TRPM2: variants seen among roughly 807,000 people sequenced by gnomAD.
TRPM2 encodes the protein transient receptor potential cation channel subfamily M member 2.
TRPM2 carries 161 observed loss-of-function variants against 174.0 expected under a neutral mutation model. The observed-to-expected ratio is 0.93, with a 90% CI of 0.81 to 1.05. The LOEUF (loss-of-function observed/expected upper bound fraction) is 1.05. Among genes scored for constraint, TRPM2 ranks in the 50% least tolerant of loss-of-function variants. The pLI is 0.00. For synonymous variants in TRPM2, 954 were observed against 861.3 expected (o/e 1.11, Z -1.88); for missense variants, 2,057 against 2,038.0 (o/e 1.01, Z -0.18).
chr21:44,425,925 C>G (rs1330479171), intron 25 of TRPM2, 98 bp downstream of exon 25: 18 of 1,307,736 alleles, frequency 1.4e-5, no homozygotes. Context: ...TCCTGGCTCC[C>G]AGCCACTGCA....
intron 2 of TRPM2, among the ~76,000 whole-genome samples, chr21:44,358,758 C>G (rs967748348): frequency 1.3e-5 from 2 of 152,192 alleles, no homozygotes; most frequent in Non-Finnish European, 2.9e-5. Context: ...GGTCTCTCAT[C>G]CATAAACAGT....
chr21:44,375,732 G>T, intron 5 of TRPM2, 101 bp from the exon 6 acceptor site: 2 of 1,345,830 alleles, frequency 1.5e-6, no homozygotes. Context: ...CAGATTCCAG[G>T]GACTGGGACC....
intron 5 of TRPM2, 77 bp downstream of exon 5, chr21:44,369,420 G>T (rs373619526): frequency 1.3e-6 from 2 of 1,524,556 alleles, no homozygotes. Flanking sequence ...GTGGGGAGCA[G>T]GTGGAGTGTA....
At chr21:44,382,059 T>G (rs774991756) in intron 8 of TRPM2, among the ~76,000 whole-genome samples, 2 of 151,880 alleles carry the variant, frequency 1.3e-5, no homozygotes, top group African/African-American at 4.8e-5. Context: ...GAATGGTTGG[T>G]AGGTGGGTGT....
At chr21:44,352,293 C>T (rs950867344), upstream of TRPM2, among the ~76,000 whole-genome samples, 3 of 152,140 alleles carry the variant, frequency 2.0e-5, no homozygotes, top group Non-Finnish European at 4.4e-5. Context: ...GTGAAGTTTA[C>T]GGGTCTCGGA....
At chr21:44,436,401 C>T (rs1297038343) in intron 28 of TRPM2, among the ~76,000 whole-genome samples, 1 of 152,122 alleles carries the variant, frequency 6.6e-6, no homozygotes, top group African/African-American at 2.4e-5. Flanking sequence ...GCTTCTCTGG[C>T]CGTGCAGACA....
chr21:44,351,739 G>GC (rs2122921924), upstream of TRPM2, among the ~76,000 whole-genome samples: 3 of 152,110 alleles, frequency 2.0e-5, no homozygotes, highest in East Asian at 1.9e-4. Flanking sequence ...CGAGCCATTG[G>GC]CCCCCCCACA....
At position 44,358,551 on chromosome 21, in the gene TRPM2, G is replaced by A. The variant is rs574824497; in HGVS notation, c.254+3815G>A. ...ATCAGTGTCCGCAATGCAGTTTCCA[G>A]CATCACATCAGGCTTGCAAACGCCA... is the stretch of plus-strand genomic sequence containing the variant. On this transcript the variant is annotated intron_variant, in intron 2 of 31. Coordinates refer to ENST00000397928, the MANE Select transcript of TRPM2 (RefSeq NM_003307.4). 4.6e-5 allele frequency among the ~76,000 whole-genome samples: 7 copies of A among 152,340 alleles called. 1 individual carries two copies. The highest frequency in any genetic ancestry group is 1.7e-4 in the African/African-American group (7 of 41,586).
Position 44,436,222 on chromosome 21 carries a change from C to T in TRPM2, c.4062-840C>T, listed in dbSNP as rs188108838. On this transcript the variant is annotated intron_variant, in intron 28 of 31. Transcript: ENST00000397928. ...GACGCCTGCGTCCCTGAGGAAGCTG[C>T]CGGGGGCTCTTGCTGCCCCCATTGG... 2.2e-3 allele frequency among the ~76,000 whole-genome samples: 334 copies of T among 152,310 alleles called. 1 individual carries two copies. The highest frequency in any genetic ancestry group is 3.4e-3 in the Non-Finnish European group (231 of 68,014).
chr21:44,421,254 G>T (rs1159156352), intron 22 of TRPM2, among the ~76,000 whole-genome samples: 1 of 151,746 alleles, frequency 6.6e-6, no homozygotes. Context: ...GGAGGCGGAG[G>T]TTGCAGTGAG....
At chr21:44,383,671 C>T (rs1351751580) in intron 9 of TRPM2, among the ~76,000 whole-genome samples, 2 of 152,028 alleles carry the variant, frequency 1.3e-5, no homozygotes, top group African/African-American at 4.8e-5. Context: ...TACAAATTAT[C>T]TTCTCTGACA....
At chr21:44,352,728 C>T (rs1487711234), upstream of TRPM2, among the ~76,000 whole-genome samples, 1 of 152,214 alleles carries the variant, frequency 6.6e-6, no homozygotes, top group Non-Finnish European at 1.5e-5. Flanking sequence ...AAAGGGAGGG[C>T]AGTCATCCGG....
chr21:44,426,857 G>A lies in TRPM2; in HGVS notation c.3872+121G>A, dbSNP rs927795291. The A allele has an allele frequency of 8.1e-5, 113 of 1,387,976 alleles. 1 individual carries two copies. The Middle Eastern group carries it at 1.0e-3, about 12-fold the overall frequency. 86.0% of individuals were successfully genotyped at this position (1,387,976 alleles called of 1,614,324 possible). A position where few individuals can be genotyped will look rare whatever the true frequency, so the allele number is the denominator to read the frequency against. The stretch of plus-strand genomic sequence containing the variant: ...AGGTCCAGGTGAGCAGGAGGGGCCC[G>A]TGGGGGCCTGAAGGGGCCCAGCTCC... On this transcript the variant is annotated intron_variant, in intron 26 of 31. Transcript: ENST00000397928.
rs1225430110 is a variant in TRPM2 at position 44,376,460 on chromosome 21, G to A, written c.952+447G>A. ...CGCAGTGGTGTGATCTCAGCTCACT[G>A]TAGCCTCGAACTTCTGGGCTCAAGG... is the stretch of plus-strand genomic sequence containing the variant. On this transcript the variant is annotated intron_variant, in intron 6 of 31. Coordinates refer to ENST00000397928, the MANE Select transcript of TRPM2 (RefSeq NM_003307.4). This position sits in a 1 kb window ranked among gnomAD's most constrained non-coding sequence, Gnocchi z 4.2. Among the ~76,000 whole-genome samples, 3 of 152,088 alleles carry A rather than the reference G, an allele frequency of 2.0e-5. No homozygotes were observed. The highest frequency in any genetic ancestry group is 7.2e-5 in the African/African-American group (3 of 41,400).
At chr21:44,431,889 C>T (rs1341564759) in intron 27 of TRPM2, among the ~76,000 whole-genome samples, 1 of 152,190 alleles carries the variant, frequency 6.6e-6, no homozygotes, top group Non-Finnish European at 1.5e-5. Context: ...TCCTCCGTGG[C>T]CCGTCTCTAC....
Position 44,376,031 on chromosome 21 carries a change from C to G in TRPM2, c.952+18C>G. On this transcript the variant is annotated intron_variant, in intron 6 of 31. Coordinates refer to ENST00000397928, the MANE Select transcript of TRPM2 (RefSeq NM_003307.4). The surrounding 1 kb of genome is among the most constrained non-coding windows in gnomAD (Gnocchi z 4.2). ...AAGAGGAGGTAGGGGAGCTTGCTTT[C>G]GAGGGTGATTGGGCAGAGAGCACAG... 1 of 1,608,296 alleles carries G rather than the reference C, an allele frequency of 6.2e-7. No individual in the cohort carries two copies. Among genetic ancestry groups the G allele is most frequent in the Non-Finnish European group, 8.5e-7 (1 of 1,175,754 alleles).
In TRPM2 at chr21:44,438,863, C is replaced by T. The variant is rs373359224; in HGVS notation, c.4168-204C>T. ...TGTCTGCAGCCCAGTGCCCCCTGCTCGGGCCACGGCAGGCCTCACAGATGC... is the reference window on the plus strand; with the variant it reads ...TGTCTGCAGCCCAGTGCCCCCTGCTTGGGCCACGGCAGGCCTCACAGATGC... On this transcript the variant is annotated intron_variant, in intron 29 of 31. Transcript: ENST00000397928. The surrounding 1 kb of genome is among the most constrained non-coding windows in gnomAD (Gnocchi z 5.9). Among the ~76,000 whole-genome samples, 81 of 152,292 alleles carry T rather than the reference C, an allele frequency of 5.3e-4. No individual in the cohort carries two copies. Among genetic ancestry groups the T allele is most frequent in the African/African-American group, 1.5e-3 (62 of 41,558 alleles).
chr21:44,420,225 C>T (rs1237943238), intron 22 of TRPM2, among the ~76,000 whole-genome samples: 1 of 152,094 alleles, frequency 6.6e-6, no homozygotes, highest in African/African-American at 2.4e-5. Context: ...ATTCAAGCCT[C>T]ACTTCATTGG....
chr21:44,418,663 C>T (rs2050403564), intron 22 of TRPM2, 108 bp downstream of exon 22: 9 of 1,401,478 alleles, frequency 6.4e-6, no homozygotes, highest in Non-Finnish European at 8.0e-6. Flanking sequence ...AGCAATGCCT[C>T]ACCGGTGAGG....
Sources: allele counts gnomAD v4.1 joint callset (sites outside exome capture counted in the v4.1 genomes callset), GRCh38; gene constraint gnomAD v4.1.1; non-coding constraint Gnocchi (gnomAD v3.1); transcripts MANE v1.5; gene names NCBI Gene and HGNC (gene_info 2026-07-23, HGNC 2026-07-21).